Variants in SERPINB7 observed in about 807,000 individuals in gnomAD.
SERPINB7 encodes the protein serpin family B member 7.
In SERPINB7, 31 loss-of-function variants were observed where a neutral mutation model predicts 37.4. The ratio of observed to expected loss-of-function variants is 0.83; its 90% CI spans 0.62 to 1.12. The LOEUF (loss-of-function observed/expected upper bound fraction) is 1.12. Ranked by LOEUF, SERPINB7 falls within the 50% of genes most tolerant of loss-of-function variation. The probability of loss-of-function intolerance (pLI) is 0.00; values close to 1 mark genes in which losing one functional copy is unlikely to be tolerated. For missense variants in SERPINB7, 521 were observed against 455.3 expected (o/e 1.14, Z -1.31); for synonymous variants, 163 against 166.1 (o/e 0.98, Z 0.14).
upstream of SERPINB7, among the ~76,000 whole-genome samples, chr18:63,773,846 T>C (rs915914000): frequency 1.3e-5 from 2 of 152,156 alleles, no homozygotes; most frequent in African/African-American, 4.8e-5. Context: ...TCTGAGTTAA[T>C]GTGAAGAAGA....
At chr18:63,776,642 T>A (rs1424136950) in intron 1 of SERPINB7, among the ~76,000 whole-genome samples, 1 of 149,588 alleles carries the variant, frequency 6.7e-6, no homozygotes, top group African/African-American at 2.5e-5. Context: ...GTATACTAGA[T>A]AAACCAAGGT....
chr18:63,784,029 A>C (rs1429582505), intron 2 of SERPINB7, among the ~76,000 whole-genome samples: 1 of 152,182 alleles, frequency 6.6e-6, no homozygotes, highest in South Asian at 2.1e-4. Flanking sequence ...ACAACACTTT[A>C]ATGAGATGAT....
intron 1 of SERPINB7, among the ~76,000 whole-genome samples, chr18:63,755,712 G>T (rs1023124136): frequency 6.6e-5 from 10 of 152,094 alleles, no homozygotes; most frequent in Admixed American, 5.9e-4. Flanking sequence ...GGACAACATA[G>T]CAAGACCCTG....
At chr18:63,753,734 A>G (rs1232061250) in intron 1 of SERPINB7, among the ~76,000 whole-genome samples, 1 of 152,214 alleles carries the variant, frequency 6.6e-6, no homozygotes, top group African/African-American at 2.4e-5. Context: ...ATTATAATCA[A>G]TGATATTTGG....
intron 1 of SERPINB7, among the ~76,000 whole-genome samples, chr18:63,758,146 A>C (rs1263089769): frequency 6.6e-6 from 1 of 152,146 alleles, no homozygotes; most frequent in Middle Eastern, 3.2e-3. Context: ...ATACTGTATC[A>C]TTGTCATTGC....
rs2049542649 is a variant in SERPINB7, at chr18:63,800,991, G to T, written c.723G>T (p.Leu241=). The change falls in exon 7 of 8, where the codon CTG becomes CTT. Residue 241 remains leucine, a synonymous_variant. Coordinates refer to ENST00000398019, the MANE Select transcript of SERPINB7 (RefSeq NM_003784.4). ...YNGGINMYVL[L]PENDLSEIEN... ...GTGGCATAAACATGTACGTTCTGCT[G>T]CCTGAGAATGACCTCTCTGAAGTAA... 2.5e-6 allele frequency: 4 copies of T among 1,613,572 alleles called. No homozygotes were observed. Among genetic ancestry groups the T allele is most frequent in the Non-Finnish European group, 3.4e-6 (4 of 1,179,768 alleles).
chr18:63,759,628 T>A (rs1398520691), intron 1 of SERPINB7, among the ~76,000 whole-genome samples: 1 of 152,196 alleles, frequency 6.6e-6, no homozygotes, highest in Non-Finnish European at 1.5e-5. Flanking sequence ...GGGGTTTGGC[T>A]GTGTCTCCAC....
chr18:63,779,279 T>G (rs78098706), intron 1 of SERPINB7, among the ~76,000 whole-genome samples: 2 of 152,162 alleles, frequency 1.3e-5, no homozygotes, highest in South Asian at 4.1e-4. Context: ...TTTGGTCTCA[T>G]GCTAATTTTT....
At chr18:63,770,876 C>CACAA (rs2049206593), upstream of SERPINB7, among the ~76,000 whole-genome samples, 2 of 139,278 alleles carry the variant, frequency 1.4e-5, no homozygotes, top group Non-Finnish European at 3.0e-5. Flanking sequence ...TGCACATGCA[C>CACAA]ACACACACAC....
chr18:63,789,961 C>A (rs1046841704), intron 2 of SERPINB7, among the ~76,000 whole-genome samples: 3 of 152,134 alleles, frequency 2.0e-5, no homozygotes, highest in Admixed American at 6.6e-5. Context: ...GTTCAAGGGT[C>A]TCTGTCACTC....
chr18:63,789,315 C>G (rs2049403184), intron 2 of SERPINB7, among the ~76,000 whole-genome samples: 1 of 152,142 alleles, frequency 6.6e-6, no homozygotes, highest in Admixed American at 6.6e-5. Flanking sequence ...AGATGATGGA[C>G]AGTAATGACT....
rs1701651 is a variant in SERPINB7, at chr18:63,799,924, A to G, written c.598-942A>G. On this transcript the variant is annotated intron_variant, in intron 6 of 7. Transcript: ENST00000398019. ...ACTAGGAGAAAATTTATTGCACCTCAGTGTTGTCTCTAAATCTATAAATGA... is the reference window on the plus strand; with the variant it reads ...ACTAGGAGAAAATTTATTGCACCTCGGTGTTGTCTCTAAATCTATAAATGA... 4.1e-3 allele frequency among the ~76,000 whole-genome samples: 632 copies of G among 152,366 alleles called. 2 individuals are homozygous for G. The highest frequency in any genetic ancestry group is 0.015 in the African/African-American group (612 of 41,586).
Position 63,799,727 on chromosome 18 carries a change from A to G in SERPINB7, c.597+981A>G, listed in dbSNP as rs376981561. On this transcript the variant is annotated intron_variant, in intron 6 of 7. Transcript: ENST00000398019. The stretch of plus-strand genomic sequence containing the variant: ...TGGGGACCTGTCTCACTAAGCAGGT[A>G]GATTTCATGTGTGTTCTTTCTGAGG... 1.6e-4 allele frequency among the ~76,000 whole-genome samples: 24 copies of G among 152,314 alleles called. 1 individual carries two copies. Among genetic ancestry groups the G allele is most frequent in the African/African-American group, 5.3e-4 (22 of 41,570 alleles).
intron 7 of SERPINB7, among the ~76,000 whole-genome samples, chr18:63,801,847 T>C (rs1223878531): frequency 6.6e-6 from 1 of 152,106 alleles, no homozygotes; most frequent in Non-Finnish European, 1.5e-5. Flanking sequence ...ACAAGAGTCA[T>C]TGAGGGGGTT....
At chr18:63,757,467 A>T (rs1019666297) in intron 1 of SERPINB7, among the ~76,000 whole-genome samples, 1 of 152,220 alleles carries the variant, frequency 6.6e-6, no homozygotes, top group Non-Finnish European at 1.5e-5. Flanking sequence ...TCAGTTACAG[A>T]TCTGTCAAGA....
intron 7 of SERPINB7, among the ~76,000 whole-genome samples, chr18:63,802,215 T>A (rs1315205383): frequency 6.6e-6 from 1 of 152,200 alleles, no homozygotes; most frequent in Admixed American, 6.5e-5. Flanking sequence ...GCCCTGTGAC[T>A]GATGTGGCAG....
chr18:63,769,234 C>T (rs553240847), intron 1 of SERPINB7, among the ~76,000 whole-genome samples: 33 of 149,174 alleles, frequency 2.2e-4, no homozygotes, highest in Non-Finnish European at 4.3e-4. Flanking sequence ...TGAAAAATTT[C>T]TGTTGATCTC....
chr18:63,803,965 G>T (rs1347511986), intron 7 of SERPINB7, among the ~76,000 whole-genome samples: 1 of 152,162 alleles, frequency 6.6e-6, no homozygotes, highest in Non-Finnish European at 1.5e-5. Context: ...GGCTGTATCT[G>T]CTCATGGGTG....
upstream of SERPINB7, among the ~76,000 whole-genome samples, chr18:63,771,562 T>C (rs904156205): frequency 2.0e-5 from 3 of 152,142 alleles, no homozygotes; most frequent in Admixed American, 2.0e-4. Flanking sequence ...TATTGTTTTT[T>C]TCTTAAAGAC....
Sources: gnomAD v4.1 joint callset for allele counts (sites outside exome capture counted in the v4.1 genomes callset) on GRCh38, gnomAD v4.1.1 for gene constraint, MANE v1.5 for transcripts, NCBI Gene and HGNC (gene_info 2026-07-23, HGNC 2026-07-21) for gene names.